Variants in PCBP3 observed in about 807,000 individuals in gnomAD.
The protein encoded by PCBP3 is poly(rC)-binding protein 3.
Under a neutral mutation model 52.7 loss-of-function variants are expected in PCBP3, and 25 were observed. The observed-to-expected ratio is 0.47, with a 90% CI of 0.35 to 0.66. PCBP3 has a LOEUF of 0.66. Among genes scored for constraint, PCBP3 ranks in the 30% least tolerant of loss-of-function variants. The probability of loss-of-function intolerance (pLI) is 0.01; values close to 1 mark genes in which losing one functional copy is unlikely to be tolerated. For synonymous variants in PCBP3, 162 were observed against 183.0 expected (o/e 0.89, Z 0.93); for missense variants, 391 against 490.3 (o/e 0.80, Z 1.91).
At chr21:45,714,118 C>T (rs1879598206) in intron 2 of PCBP3, among the ~76,000 whole-genome samples, 2 of 152,190 alleles carry the variant, frequency 1.3e-5, no homozygotes, top group Admixed American at 6.5e-5. Context: ...TTCTCTTCAG[C>T]GTGGTTGGTT....
At chr21:45,866,462 G>T (rs2148533786) in intron 5 of PCBP3, among the ~76,000 whole-genome samples, 1 of 152,320 alleles carries the variant, frequency 6.6e-6, no homozygotes, top group Middle Eastern at 3.4e-3. Context: ...AGAAAATGTG[G>T]TCCTGCTCGC....
chr21:45,773,090 C>T (rs1390623478), intron 4 of PCBP3, among the ~76,000 whole-genome samples: 1 of 152,060 alleles, frequency 6.6e-6, no homozygotes, highest in Non-Finnish European at 1.5e-5. Context: ...AATATAGTTC[C>T]ATTTGTCTAT....
At position 45,735,559 on chromosome 21, in the gene PCBP3, G is replaced by C. The variant is rs2085803915; in HGVS notation, c.-162+130G>C. 6.6e-6 allele frequency: 1 copy of C among 152,190 alleles called. No homozygotes were observed. The highest frequency in any genetic ancestry group is 1.5e-5 in the Non-Finnish European group (1 of 68,032). The allele number at this position is 152,190 out of a possible 1,614,324, so 9.4% of individuals were successfully genotyped here. Reference sequence around the variant, plus strand: ...GTCTCTGCTGACCCTCTGGATCCTGGTTTTATGTCTCATGGGGAACCTGCC... The same window carrying C: ...GTCTCTGCTGACCCTCTGGATCCTGCTTTTATGTCTCATGGGGAACCTGCC... On this transcript the variant is annotated intron_variant, in intron 3 of 17. Coordinates refer to ENST00000681687, the MANE Select transcript of PCBP3 (RefSeq NM_001384156.1). The surrounding 1 kb of genome is among the most constrained non-coding windows in gnomAD (Gnocchi z 4.0).
chr21:45,810,417 C>G (rs1372447903), intron 4 of PCBP3, among the ~76,000 whole-genome samples: 1 of 150,270 alleles, frequency 6.7e-6, no homozygotes, highest in Non-Finnish European at 1.5e-5. Flanking sequence ...AGTACACCAT[C>G]ATGCCTGGCT....
intron 2 of PCBP3, among the ~76,000 whole-genome samples, chr21:45,697,543 G>T (rs1184385302): frequency 6.6e-6 from 1 of 152,030 alleles, no homozygotes; most frequent in Non-Finnish European, 1.5e-5. Flanking sequence ...CTGGGAGTTT[G>T]AGACCAGCCT....
At chr21:45,863,203 G>A (rs2094573590) in intron 5 of PCBP3, among the ~76,000 whole-genome samples, 1 of 152,226 alleles carries the variant, frequency 6.6e-6, no homozygotes, top group Admixed American at 6.5e-5. Flanking sequence ...CTCCTGGTGA[G>A]GAATAGCCTC....
chr21:45,666,641 CTT>C (rs1353896886), intron 1 of PCBP3, among the ~76,000 whole-genome samples: 1 of 151,398 alleles, frequency 6.6e-6, no homozygotes, highest in African/African-American at 2.4e-5. Context: ...GTTTGACAGT[CTT>C]TTTCTTTCAT....
chr21:45,778,900 C>T (rs1335129007), intron 4 of PCBP3, among the ~76,000 whole-genome samples: 2 of 152,154 alleles, frequency 1.3e-5, no homozygotes, highest in Non-Finnish European at 2.9e-5. Flanking sequence ...TGATCCCTGC[C>T]ACTGGAGCAG....
chr21:45,936,147 A>G (rs907177914), intron 16 of PCBP3, among the ~76,000 whole-genome samples: 6 of 152,204 alleles, frequency 3.9e-5, no homozygotes, highest in Non-Finnish European at 8.8e-5. Context: ...CCTTCCTTTC[A>G]TACAAGTTGA....
intron 5 of PCBP3, among the ~76,000 whole-genome samples, chr21:45,894,695 G>A (rs954049462): frequency 1.4e-4 from 21 of 152,356 alleles, no homozygotes; most frequent in Non-Finnish European, 1.2e-4. Context: ...CCGCCCACAC[G>A]AGGCTGTTTG....
chr21:45,824,998 C>G (rs939468015), intron 4 of PCBP3, among the ~76,000 whole-genome samples: 1 of 152,236 alleles, frequency 6.6e-6, no homozygotes, highest in Non-Finnish European at 1.5e-5. Context: ...AAAACATTGA[C>G]AAGCCTGCAA....
At chr21:45,758,952 A>G (rs796087182) in intron 4 of PCBP3, among the ~76,000 whole-genome samples, 3 of 152,368 alleles carry the variant, frequency 2.0e-5, no homozygotes, top group African/African-American at 7.2e-5. Flanking sequence ...ATCAATTAAA[A>G]TAATGTATGG....
intron 2 of PCBP3, among the ~76,000 whole-genome samples, chr21:45,695,907 C>T (rs552350044): frequency 1.6e-4 from 24 of 151,616 alleles, no homozygotes; most frequent in African/African-American, 4.6e-4. Context: ...GGTGAAATCC[C>T]GTCTCTACTA....
At chr21:45,905,059 A>G (rs1017778469) in intron 9 of PCBP3, among the ~76,000 whole-genome samples, 3 of 152,224 alleles carry the variant, frequency 2.0e-5, no homozygotes, top group Non-Finnish European at 4.4e-5. Context: ...GAGATTGAGT[A>G]AAGGATACAA....
chr21:45,801,286 C>T (rs1286440195), intron 4 of PCBP3, among the ~76,000 whole-genome samples: 1 of 152,242 alleles, frequency 6.6e-6, no homozygotes, highest in African/African-American at 2.4e-5. Context: ...TCCTCTGTCC[C>T]CACTCACAGC....
intron 1 of PCBP3, among the ~76,000 whole-genome samples, chr21:45,651,644 A>G (rs753481622): frequency 1.3e-5 from 2 of 152,226 alleles, no homozygotes; most frequent in Non-Finnish European, 2.9e-5. Context: ...CCCTATAGCT[A>G]GACATTTATG....
At chr21:45,825,392 C>G (rs1270078090) in intron 4 of PCBP3, among the ~76,000 whole-genome samples, 2 of 152,136 alleles carry the variant, frequency 1.3e-5, no homozygotes, top group Non-Finnish European at 2.9e-5. Flanking sequence ...GAGAGTGTCC[C>G]CGCCGCCGTG....
chr21:45,729,426 G>A (rs1181053557), intron 2 of PCBP3, among the ~76,000 whole-genome samples: 1 of 152,160 alleles, frequency 6.6e-6, no homozygotes, highest in Non-Finnish European at 1.5e-5. Context: ...GAGGGGAGTT[G>A]CTGTCCTATG....
chr21:45,920,577 C>A (rs936619962), intron 13 of PCBP3, among the ~76,000 whole-genome samples: 2 of 152,216 alleles, frequency 1.3e-5, no homozygotes, highest in African/African-American at 4.8e-5. Context: ...AACCTAATCA[C>A]CAAGGTGACA....
Sources: gnomAD v4.1 joint callset for allele counts (sites outside exome capture counted in the v4.1 genomes callset) on GRCh38, gnomAD v4.1.1 for gene constraint, Gnocchi (gnomAD v3.1) non-coding constraint, MANE v1.5 for transcripts, NCBI Gene and HGNC (gene_info 2026-07-23, HGNC 2026-07-21) for gene names.